TSHZ2: variants seen among roughly 807,000 people sequenced by gnomAD.
TSHZ2 encodes teashirt zinc finger homeobox 2, also known as teashirt homolog 2.
A neutral mutation model predicts 74.4 loss-of-function variants in TSHZ2; 21 were observed. The observed-to-expected ratio is 0.28, with a 90% confidence interval of 0.20 to 0.41. The LOEUF (loss-of-function observed/expected upper bound fraction) is 0.41, where lower values mean the gene tolerates loss of function less well. Among genes scored for constraint, TSHZ2 ranks in the 10% least tolerant of loss-of-function variants. The probability of loss-of-function intolerance (pLI) is 1.00; values close to 1 mark genes in which losing one functional copy is unlikely to be tolerated. For synonymous variants in TSHZ2, 540 were observed against 515.3 expected (o/e 1.05, Z -0.65); for missense variants, 1,244 against 1,293.5 (o/e 0.96, Z 0.59).
intron 1 of TSHZ2, among the ~76,000 whole-genome samples, chr20:52,976,133 A>G (rs1981329100): frequency 6.6e-6 from 1 of 152,246 alleles, no homozygotes; most frequent in Non-Finnish European, 1.5e-5. Flanking sequence ...GGAATCAATT[A>G]CAGAACTTTC....
Position 53,003,255 on chromosome 20 carries a change from G to GGTGTGTGTGT in TSHZ2, c.40+29954_40+29963dup, listed in dbSNP as rs11468763. On this transcript the variant is annotated intron_variant, in intron 1 of 2. Coordinates refer to ENST00000371497, the MANE Select transcript of TSHZ2 (RefSeq NM_173485.6). ...CAGCCTCCTGTTTTTCTCCAGGGAT[G>GGTGTGTGTGT]GTGTGTGTGTGTGTGTGTGTGTGTG... 5.2e-3 allele frequency among the ~76,000 whole-genome samples: 723 copies of GGTGTGTGTGT among 139,586 alleles called. 4 individuals carry two copies. Among genetic ancestry groups the GGTGTGTGTGT allele is most frequent in the African/African-American group, 7.4e-3 (272 of 36,548 alleles). 91.6% of individuals were successfully genotyped at this position (139,586 alleles called of 152,430 possible).
chr20:53,161,130 C>CAAAAAAAAAAGAA (rs1987925190), intron 1 of TSHZ2, among the ~76,000 whole-genome samples: 1 of 67,978 alleles, frequency 1.5e-5, no homozygotes, highest in Non-Finnish European at 2.6e-5. Flanking sequence ...TTATTTTCAG[C>CAAAAAAAAAAGAA]AAAAAAAAAA....
intron 2 of TSHZ2, among the ~76,000 whole-genome samples, chr20:53,371,664 C>T (rs1981475856): frequency 1.3e-5 from 2 of 152,042 alleles, no homozygotes; most frequent in South Asian, 4.1e-4. Flanking sequence ...TCACTTGAGA[C>T]CAGGAGTTTC....
At chr20:53,203,693 C>T (rs951010006) in intron 1 of TSHZ2, among the ~76,000 whole-genome samples, 1 of 152,158 alleles carries the variant, frequency 6.6e-6, no homozygotes, top group African/African-American at 2.4e-5. Flanking sequence ...CAGACATAGG[C>T]TTTACCAAGA....
chr20:53,155,212 T>C lies in TSHZ2; in HGVS notation c.41-98287T>C, dbSNP rs138810652. Among the ~76,000 whole-genome samples, 760 of 152,046 alleles carry C rather than the reference T, an allele frequency of 5.0e-3. 9 individuals are homozygous for C. The highest frequency in any genetic ancestry group is 0.018 in the African/African-American group (734 of 41,466). ...ACCCTCCCTATGAAGTATTATTGTA[T>C]CAATTGTTTGACCAGGCAGGGAACA... On this transcript the variant is annotated intron_variant, in intron 1 of 2. Coordinates refer to ENST00000371497, the MANE Select transcript of TSHZ2 (RefSeq NM_173485.6).
chr20:52,981,580 A>T (rs1363996573), intron 1 of TSHZ2, among the ~76,000 whole-genome samples: 1 of 152,228 alleles, frequency 6.6e-6, no homozygotes, highest in African/African-American at 2.4e-5. Flanking sequence ...CAGTTATCAC[A>T]GAACAAGGGG....
intron 1 of TSHZ2, among the ~76,000 whole-genome samples, chr20:53,133,288 T>C (rs1312552785): frequency 1.3e-5 from 2 of 152,242 alleles, no homozygotes; most frequent in South Asian, 4.1e-4. Context: ...TGCCTGTTCC[T>C]TGCCTTTGAT....
rs576642992 is a variant in TSHZ2, at chr20:53,231,368, C to G, written c.41-22131C>G. 2.0e-5 allele frequency among the ~76,000 whole-genome samples: 3 copies of G among 152,340 alleles called. No individual in the cohort carries two copies. The South Asian group carries it at 6.2e-4, about 32-fold the overall frequency. On this transcript the variant is annotated intron_variant, in intron 1 of 2. Transcript: ENST00000371497. ...CTACTGTAAAGTGACTTGACTTCAACTGGCAATAGATGAATTGGAATATTG... is the reference window on the plus strand; with the variant it reads ...CTACTGTAAAGTGACTTGACTTCAAGTGGCAATAGATGAATTGGAATATTG...
At chr20:53,012,660 CCACACA>C (rs145074307) in intron 1 of TSHZ2, among the ~76,000 whole-genome samples, 4 of 151,090 alleles carry the variant, frequency 2.6e-5, no homozygotes, top group Non-Finnish European at 5.9e-5. Context: ...AACCAACCAA[CCACACA>C]CACACACACA....
intron 1 of TSHZ2, among the ~76,000 whole-genome samples, chr20:53,059,670 G>A (rs915193322): frequency 6.6e-6 from 1 of 152,156 alleles, no homozygotes; most frequent in Non-Finnish European, 1.5e-5. Flanking sequence ...CCCTCCTACA[G>A]CTTTGAGATT....
In TSHZ2 at chr20:53,488,228, C is replaced by G; in HGVS notation, c.*1093C>G. The G allele has an allele frequency of 6.6e-6, 1 of 152,100 alleles. No homozygotes were observed. The highest frequency in any genetic ancestry group is 1.9e-4 in the East Asian group (1 of 5,202). 9.4% of individuals were successfully genotyped at this position (152,100 alleles called of 1,614,324 possible). A position where few individuals can be genotyped will look rare whatever the true frequency, so the allele number is the denominator to read the frequency against. On this transcript the variant is annotated 3_prime_UTR_variant, in exon 3 of 3. Transcript: ENST00000371497. ...TAATAATGAGATCTAATTAAGACAT[C>G]CATTAAAAGCCCGTTAAAGTTAATT... is the stretch of plus-strand genomic sequence containing the variant.
chr20:53,447,157 A>C (rs1984585193), intron 2 of TSHZ2, among the ~76,000 whole-genome samples: 1 of 152,170 alleles, frequency 6.6e-6, no homozygotes, highest in Non-Finnish European at 1.5e-5. Context: ...ATTAGATGCC[A>C]ATCTCCTCTT....
intron 1 of TSHZ2, among the ~76,000 whole-genome samples, chr20:53,047,401 T>A (rs549610138): frequency 6.6e-6 from 1 of 152,324 alleles, no homozygotes; most frequent in African/African-American, 2.4e-5. Context: ...TGGTCCAAGA[T>A]GGCTGCCCTG....
intron 1 of TSHZ2, among the ~76,000 whole-genome samples, chr20:53,053,397 T>A (rs1295289598): frequency 6.6e-6 from 1 of 152,196 alleles, no homozygotes; most frequent in Non-Finnish European, 1.5e-5. Context: ...CCCTTTTCTC[T>A]ACCAAATGTG....
In TSHZ2 at chr20:53,006,018, G is replaced by GAC. The variant is rs1181110925; in HGVS notation, c.40+32694_40+32695dup. 2.0e-5 allele frequency among the ~76,000 whole-genome samples: 3 copies of GAC among 152,042 alleles called. No homozygotes were observed. The East Asian group carries it at 5.8e-4, about 29-fold the overall frequency. On this transcript the variant is annotated intron_variant, in intron 1 of 2. Transcript: ENST00000371497. ...GATCCTTCATTCTTTTCTTTTTTGT[G>GAC]ACACACACACGTACATGTGTGCACT...
chr20:53,210,728 G>A (rs1600743438), intron 1 of TSHZ2, among the ~76,000 whole-genome samples: 1 of 151,902 alleles, frequency 6.6e-6, no homozygotes, highest in Non-Finnish European at 1.5e-5. Context: ...TGATGGGGGG[G>A]CTCTTTGCTC....
chr20:53,396,683 C>CA (rs745622339), intron 2 of TSHZ2, among the ~76,000 whole-genome samples: 134 of 151,910 alleles, frequency 8.8e-4, no homozygotes, highest in Non-Finnish European at 1.8e-3. Flanking sequence ...CCCATCTCTA[C>CA]AAAAAATACA....
chr20:53,278,113 C>A lies in TSHZ2; in HGVS notation c.*8+21542C>A, dbSNP rs576998960. On this transcript the variant is annotated intron_variant, in intron 2 of 2. Transcript: ENST00000371497. ...CTGTCTCAGGTGCTTCAGTTATAGTCCTTCTGATCCTTATATTAGCCTTTC... is the reference window on the plus strand; with the variant it reads ...CTGTCTCAGGTGCTTCAGTTATAGTACTTCTGATCCTTATATTAGCCTTTC... Among the ~76,000 whole-genome samples the A allele has an allele frequency of 3.3e-5, 5 of 152,284 alleles. No individual in the cohort carries two copies. The South Asian group carries it at 1.0e-3, about 32-fold the overall frequency.
chr20:53,423,714 C>T (rs1035054422), intron 2 of TSHZ2, among the ~76,000 whole-genome samples: 1 of 152,212 alleles, frequency 6.6e-6, no homozygotes, highest in Non-Finnish European at 1.5e-5. Flanking sequence ...TGCAGCGTTA[C>T]TGAAAAATGC....
Sources: allele counts gnomAD v4.1 joint callset (sites outside exome capture counted in the v4.1 genomes callset), GRCh38; gene constraint gnomAD v4.1.1; transcripts MANE v1.5; gene names NCBI Gene and HGNC (gene_info 2026-07-23, HGNC 2026-07-21).